Variants in DLGAP1 observed in about 807,000 individuals in gnomAD.
DLGAP1 encodes the protein DLG associated protein 1.
Under a neutral mutation model 90.8 loss-of-function variants are expected in DLGAP1, and 11 were observed. That is an observed-to-expected ratio of 0.12 (90% CI 0.08 to 0.20). DLGAP1 has a LOEUF of 0.20. Among genes scored for constraint, DLGAP1 ranks in the 10% least tolerant of loss-of-function variants. The probability of loss-of-function intolerance (pLI) is 1.00; values close to 1 mark genes in which losing one functional copy is unlikely to be tolerated. For missense variants in DLGAP1, 1,050 were observed against 1,333.8 expected, an observed-to-expected ratio of 0.79 and a Z score of 3.31; for synonymous variants, 558 against 540.7, an observed-to-expected ratio of 1.03 and a Z score of -0.44.
At chr18:4,397,370 A>G (rs946854954) in intron 1 of DLGAP1, among the ~76,000 whole-genome samples, 2 of 152,238 alleles carry the variant, frequency 1.3e-5, no homozygotes, top group African/African-American at 4.8e-5. Context: ...AGATCATTTT[A>G]AATTAGTATA....
rs1599456115 is a variant in DLGAP1, at chr18:3,600,234, A to G, written c.1592-17986T>C. The stretch of plus-strand genomic sequence containing the variant: ...TGCATGTGATTCACACACTGTACTC[A>G]GAAACATTCTTTTTTCTTGTTTTTG... On this transcript the variant is annotated intron_variant, in intron 7 of 12. Coordinates refer to ENST00000315677, the MANE Select transcript of DLGAP1 (RefSeq NM_004746.4). 2.0e-5 allele frequency among the ~76,000 whole-genome samples: 3 copies of G among 152,238 alleles called. No homozygotes were observed. The South Asian group carries it at 6.2e-4, about 32-fold the overall frequency.
intron 1 of DLGAP1, among the ~76,000 whole-genome samples, chr18:4,191,343 A>G (rs2077396385): frequency 6.6e-6 from 1 of 152,188 alleles, no homozygotes; most frequent in African/African-American, 2.4e-5. Context: ...ATTTTCCTTT[A>G]CATAGAGCCT....
intron 3 of DLGAP1, among the ~76,000 whole-genome samples, chr18:3,931,701 C>T (rs530773553): frequency 1.4e-4 from 22 of 152,316 alleles, no homozygotes; most frequent in African/African-American, 5.3e-4. Flanking sequence ...TTTCAACATC[C>T]TCCTTCTTGT....
intron 10 of DLGAP1, among the ~76,000 whole-genome samples, chr18:3,511,049 C>T (rs1243202759): frequency 2.6e-5 from 4 of 152,154 alleles, no homozygotes; most frequent in Admixed American, 2.6e-4. Context: ...CCGTCATGTT[C>T]CTTGCATGGA....
chr18:3,866,961 C>T (rs2070427941), intron 4 of DLGAP1, among the ~76,000 whole-genome samples: 1 of 152,182 alleles, frequency 6.6e-6, no homozygotes, highest in Admixed American at 6.5e-5. Flanking sequence ...AGCAATTCTC[C>T]TGCCTCAGCT....
chr18:4,339,258 T>C (rs1239977974), intron 1 of DLGAP1, among the ~76,000 whole-genome samples: 2 of 152,132 alleles, frequency 1.3e-5, no homozygotes, highest in African/African-American at 4.8e-5. Flanking sequence ...TACTTATAAG[T>C]GGGAGCTGAA....
At chr18:4,268,278 C>A (rs1307942707) in intron 1 of DLGAP1, among the ~76,000 whole-genome samples, 1 of 152,092 alleles carries the variant, frequency 6.6e-6, no homozygotes, top group African/African-American at 2.4e-5. Context: ...ATGAACATTT[C>A]AAATTGACTG....
Position 3,580,798 on chromosome 18 carries a change from G to A in DLGAP1, c.1965+1077C>T, listed in dbSNP as rs956253217. On this transcript the variant is annotated intron_variant, in intron 8 of 12. Coordinates refer to ENST00000315677, the MANE Select transcript of DLGAP1 (RefSeq NM_004746.4). ...AGTGTGCATGGTCAGGGGTGGTGCC[G>A]AAGCGTCTTCCACCTGCCGTGCGGA... The A allele has an allele frequency of 4.5e-5, 72 of 1,588,658 alleles. No homozygotes were observed. In the Admixed American group the frequency reaches 5.0e-4, roughly 11 times the overall value.
At chr18:3,513,536 C>T (rs1162428815) in intron 10 of DLGAP1, among the ~76,000 whole-genome samples, 3 of 152,164 alleles carry the variant, frequency 2.0e-5, no homozygotes, top group East Asian at 3.9e-4. Flanking sequence ...GGAAGAAATT[C>T]GCCAAGCCTG....
chr18:3,710,203 G>A (rs762911701), intron 7 of DLGAP1, among the ~76,000 whole-genome samples: 19 of 151,952 alleles, frequency 1.3e-4, no homozygotes, highest in Non-Finnish European at 2.1e-4. Context: ...CTACCAAAAC[G>A]GAACACTTCT....
intron 4 of DLGAP1, among the ~76,000 whole-genome samples, chr18:3,833,938 T>C (rs964330170): frequency 6.6e-6 from 1 of 152,202 alleles, no homozygotes; most frequent in African/African-American, 2.4e-5. Context: ...AAGTTGATAA[T>C]ACAAATAAAA....
intron 3 of DLGAP1, chr18:3,977,536 A>G: frequency 6.3e-6 from 1 of 159,220 alleles, no homozygotes; most frequent in Non-Finnish European, 1.3e-5. Context: ...GTCTGCATGG[A>G]AACTGTGAGG....
chr18:3,590,158 C>T (rs1394043511), intron 7 of DLGAP1, among the ~76,000 whole-genome samples: 2 of 152,156 alleles, frequency 1.3e-5, no homozygotes, highest in African/African-American at 2.4e-5. Context: ...GATCCAGCTC[C>T]CTTAGCCTCC....
intron 7 of DLGAP1, among the ~76,000 whole-genome samples, chr18:3,628,058 T>C (rs1352630286): frequency 6.6e-6 from 1 of 151,948 alleles, no homozygotes; most frequent in Non-Finnish European, 1.5e-5. Flanking sequence ...GTATTTTTAG[T>C]AGAGATGGGC....
chr18:3,741,179 C>CCATCACCT (rs2062978326), intron 6 of DLGAP1, among the ~76,000 whole-genome samples: 1 of 77,982 alleles, frequency 1.3e-5, no homozygotes, highest in African/African-American at 5.6e-5. Context: ...CACATCACCA[C>CCATCACCT]CACCACCACC....
At chr18:4,343,168 G>C (rs186833542) in intron 1 of DLGAP1, among the ~76,000 whole-genome samples, 1 of 151,932 alleles carries the variant, frequency 6.6e-6, no homozygotes. Context: ...TTAGCCGGGC[G>C]TGGTGGCAGG....
intron 5 of DLGAP1, among the ~76,000 whole-genome samples, chr18:3,785,227 C>A (rs2065392002): frequency 6.6e-6 from 1 of 152,172 alleles, no homozygotes; most frequent in African/African-American, 2.4e-5. Context: ...TCTTACAGTT[C>A]TGGAGGCTGG....
intron 1 of DLGAP1, among the ~76,000 whole-genome samples, chr18:4,369,910 A>G (rs2144200735): frequency 6.6e-6 from 1 of 151,120 alleles, no homozygotes; most frequent in South Asian, 2.1e-4. Context: ...ACAAAGGGCC[A>G]GGAAGGGGAC....
At chr18:4,082,205 G>A (rs1413533741) in intron 2 of DLGAP1, among the ~76,000 whole-genome samples, 1 of 151,882 alleles carries the variant, frequency 6.6e-6, no homozygotes, top group Non-Finnish European at 1.5e-5. Flanking sequence ...AGCTGGGCGT[G>A]GCAGTGTATG....
Sources: allele counts gnomAD v4.1 joint callset (sites outside exome capture counted in the v4.1 genomes callset), GRCh38; gene constraint gnomAD v4.1.1; transcripts MANE v1.5; gene names NCBI Gene and HGNC (gene_info 2026-07-23, HGNC 2026-07-21).